Variants in TSHZ2 observed in about 807,000 individuals in gnomAD.
TSHZ2 encodes teashirt homolog 2.
In TSHZ2, 21 loss-of-function variants were observed where a neutral mutation model predicts 74.4. The observed-to-expected ratio is 0.28, with a 90% CI of 0.20 to 0.41. The LOEUF (loss-of-function observed/expected upper bound fraction) is 0.41, where lower values mean the gene tolerates loss of function less well. Ranked by LOEUF, TSHZ2 falls within the 10% of genes least tolerant of loss-of-function variation. TSHZ2 has a pLI of 1.00. For synonymous variants in TSHZ2, 540 were observed against 515.3 expected, an observed-to-expected ratio of 1.05 and a Z score of -0.65; for missense variants, 1,244 against 1,293.5, an observed-to-expected ratio of 0.96 and a Z score of 0.59.
rs1600772520 is a variant in TSHZ2, at chr20:53,256,692, T to G, written c.*8+121T>G. The G allele has an allele frequency of 2.1e-6, 3 of 1,405,926 alleles. No homozygotes were observed. Among genetic ancestry groups the G allele is most frequent in the Admixed American group, 5.1e-5 (2 of 39,284 alleles). The allele number at this position is 1,405,926 out of a possible 1,614,324, so 87.1% of individuals were successfully genotyped here. A position where few individuals can be genotyped will look rare whatever the true frequency, so the allele number is the denominator to read the frequency against. ...CAAGCAGGATAGTAGCTTGCTGGAG[T>G]AGGATTTATTTTAATGAAAGACCAG... On this transcript the variant is annotated intron_variant, in intron 2 of 2. Coordinates refer to ENST00000371497, the MANE Select transcript of TSHZ2 (RefSeq NM_173485.6). This position sits in a 1 kb window ranked among gnomAD's most constrained non-coding sequence, Gnocchi z 4.3.
chr20:53,262,517 G>A (rs530124502), intron 2 of TSHZ2, among the ~76,000 whole-genome samples: 2 of 152,252 alleles, frequency 1.3e-5, no homozygotes, highest in African/African-American at 4.8e-5. Context: ...ATTTAGCCTC[G>A]GCTCTAAGAC....
At chr20:53,373,524 G>T (rs1213616414) in intron 2 of TSHZ2, among the ~76,000 whole-genome samples, 1 of 152,096 alleles carries the variant, frequency 6.6e-6, no homozygotes, top group Non-Finnish European at 1.5e-5. Context: ...TTCTTCTTGT[G>T]TTCTCAATCC....
chr20:53,199,308 A>G (rs1163156880), intron 1 of TSHZ2, among the ~76,000 whole-genome samples: 1 of 151,998 alleles, frequency 6.6e-6, no homozygotes, highest in Non-Finnish European at 1.5e-5. Flanking sequence ...CCCTGTCTCT[A>G]CTGAAAACAC....
intron 1 of TSHZ2, among the ~76,000 whole-genome samples, chr20:53,119,419 A>G (rs929924831): frequency 6.6e-6 from 1 of 152,228 alleles, no homozygotes; most frequent in Non-Finnish European, 1.5e-5. Flanking sequence ...GTAAGACACG[A>G]TGATAAGTGC....
At chr20:53,312,622 G>C (rs750166346) in intron 2 of TSHZ2, among the ~76,000 whole-genome samples, 7 of 152,188 alleles carry the variant, frequency 4.6e-5, no homozygotes, top group Non-Finnish European at 1.0e-4. Flanking sequence ...CAAGCACCGC[G>C]TGGGTGAGAC....
In TSHZ2 at chr20:53,447,937, G is replaced by A. The variant is rs1185739249; in HGVS notation, c.*9-39207G>A. ...ATTTTTTTTTTTTTTTTTTTGAGAC[G>A]GAGTCTCACTCTGTTGCCCAGGCTG... On this transcript the variant is annotated intron_variant, in intron 2 of 2. Coordinates refer to ENST00000371497, the MANE Select transcript of TSHZ2 (RefSeq NM_173485.6). 1.7e-3 allele frequency among the ~76,000 whole-genome samples: 250 copies of A among 147,554 alleles called. 5 individuals carry two copies. The highest frequency in any genetic ancestry group is 1.0e-4 in the Non-Finnish European group (7 of 67,110).
At chr20:53,005,086 G>A (rs1026705765) in intron 1 of TSHZ2, among the ~76,000 whole-genome samples, 1 of 152,162 alleles carries the variant, frequency 6.6e-6, no homozygotes, top group Non-Finnish European at 1.5e-5. Context: ...GCCGAGGCCA[G>A]AGGATCAGTG....
At chr20:53,401,446 T>C (rs1374363565) in intron 2 of TSHZ2, among the ~76,000 whole-genome samples, 1 of 152,208 alleles carries the variant, frequency 6.6e-6, no homozygotes, top group Non-Finnish European at 1.5e-5. Context: ...TTTGGTTACA[T>C]GGGTAAGTTC....
At chr20:53,204,288 TGATATGATACTATATCATCATATAACATG>T (rs1247794901) in intron 1 of TSHZ2, among the ~76,000 whole-genome samples, 1 of 138,878 alleles carries the variant, frequency 7.2e-6, no homozygotes, top group East Asian at 2.2e-4. Flanking sequence ...TATAACATGA[TGATATGATACTATATCATCATATAACATG>T]ATGATATGAT....
At chr20:53,278,654 C>A (rs1365446045) in intron 2 of TSHZ2, among the ~76,000 whole-genome samples, 1 of 152,182 alleles carries the variant, frequency 6.6e-6, no homozygotes, top group Non-Finnish European at 1.5e-5. Flanking sequence ...TAATTATAGT[C>A]CTTCTGATCC....
At chr20:53,047,603 A>G (rs1159288076) in intron 1 of TSHZ2, among the ~76,000 whole-genome samples, 1 of 152,216 alleles carries the variant, frequency 6.6e-6, no homozygotes, top group Non-Finnish European at 1.5e-5. Flanking sequence ...CTGAGTGGTC[A>G]AATACCAAGA....
chr20:53,150,651 AAAG>A (rs1284770817), intron 1 of TSHZ2, among the ~76,000 whole-genome samples: 5 of 151,990 alleles, frequency 3.3e-5, no homozygotes, highest in African/African-American at 7.2e-5. Context: ...TTTTTAAAAA[AAAG>A]AAGGAAAGAA....
intron 1 of TSHZ2, among the ~76,000 whole-genome samples, chr20:53,034,469 C>T (rs1318162509): frequency 1.3e-5 from 2 of 152,150 alleles, no homozygotes; most frequent in Non-Finnish European, 2.9e-5. Context: ...AGACAAGATC[C>T]CTGGCTTCAG....
At chr20:53,371,053 G>A (rs2145622358) in intron 2 of TSHZ2, among the ~76,000 whole-genome samples, 1 of 152,252 alleles carries the variant, frequency 6.6e-6, no homozygotes, top group African/African-American at 2.4e-5. Flanking sequence ...CTGCTTCCTT[G>A]TTCAAACAGC....
In TSHZ2 at chr20:53,254,959, C is replaced by G; in HGVS notation, c.1501C>G (p.Leu501Val). 6.2e-7 allele frequency: 1 copy of G among 1,614,076 alleles called. No individual in the cohort carries two copies. The highest frequency in any genetic ancestry group is 2.2e-5 in the East Asian group (1 of 44,888). The change falls in exon 2 of 3, where the codon CTA (leucine) becomes GTA (valine). Residue 501 changes from leucine (L) to valine (V), a missense_variant. Transcript: ENST00000371497. ...PLDPTIKYQY[L>V]REEDLEDGSK... ...AGACCCTACAATCAAATATCAATAC[C>G]TAAGGGAGGAAGACTTGGAAGATGG...
intron 1 of TSHZ2, among the ~76,000 whole-genome samples, chr20:53,058,942 T>C (rs1417552075): frequency 6.6e-6 from 1 of 152,232 alleles, no homozygotes; most frequent in Admixed American, 6.5e-5. Context: ...CAAAACCTTT[T>C]GGTGGACATT....
chr20:53,270,780 A>AT (rs935793808), intron 2 of TSHZ2, among the ~76,000 whole-genome samples: 1 of 152,112 alleles, frequency 6.6e-6, no homozygotes, highest in African/African-American at 2.4e-5. Context: ...TTTATTTGGT[A>AT]TTTTTTTATC....
chr20:53,135,985 A>C (rs1170178659), intron 1 of TSHZ2, among the ~76,000 whole-genome samples: 1 of 152,220 alleles, frequency 6.6e-6, no homozygotes, highest in Non-Finnish European at 1.5e-5. Context: ...AATATCTAAA[A>C]GTGGTCAATT....
intron 1 of TSHZ2, among the ~76,000 whole-genome samples, chr20:53,058,226 AGGCCACAGTCTC>A (rs1395736235): frequency 6.6e-6 from 1 of 152,150 alleles, no homozygotes; most frequent in African/African-American, 2.4e-5. Flanking sequence ...GGTTCCTAAC[AGGCCACAGTCTC>A]GTACTGGTAT....
Sources: gnomAD v4.1 joint callset for allele counts (sites outside exome capture counted in the v4.1 genomes callset) on GRCh38, gnomAD v4.1.1 for gene constraint, Gnocchi (gnomAD v3.1) non-coding constraint, MANE v1.5 for transcripts, NCBI Gene and HGNC (gene_info 2026-07-23, HGNC 2026-07-21) for gene names.